STARD13: variants seen among roughly 807,000 people sequenced by gnomAD.
STARD13 encodes StAR related lipid transfer domain containing 13.
Under a neutral mutation model 106.4 loss-of-function variants are expected in STARD13, and 62 were observed. The ratio of observed to expected loss-of-function variants is 0.58; its 90% CI spans 0.48 to 0.72. The LOEUF (loss-of-function observed/expected upper bound fraction) is 0.72. STARD13 is among the 30% of genes least tolerant of loss of function. The probability of loss-of-function intolerance (pLI) is 0.00; values close to 1 mark genes in which losing one functional copy is unlikely to be tolerated. For missense variants in STARD13, 1,387 were observed against 1,424.0 expected (o/e 0.97, Z 0.42); for synonymous variants, 565 against 553.0 (o/e 1.02, Z -0.31).
chr13:33,140,732 G>A (rs1879697708), intron 4 of STARD13, among the ~76,000 whole-genome samples: 1 of 150,932 alleles, frequency 6.6e-6, no homozygotes. Flanking sequence ...TGATTTCTCT[G>A]TGTAGACCAG....
intron 1 of STARD13, among the ~76,000 whole-genome samples, chr13:33,303,810 G>T (rs1390116645): frequency 6.6e-6 from 1 of 152,128 alleles, no homozygotes; most frequent in Non-Finnish European, 1.5e-5. Flanking sequence ...CATCATCCCA[G>T]TTGATGTCTG....
chr13:33,340,889 C>T (rs181773168), intron 1 of STARD13, among the ~76,000 whole-genome samples: 3 of 152,244 alleles, frequency 2.0e-5, no homozygotes, highest in East Asian at 3.9e-4. Flanking sequence ...AATTTATGTG[C>T]CTCACCAAGA....
the STARD13 span, among the ~76,000 whole-genome samples, chr13:33,402,792 G>A: frequency 3.3e-5 from 5 of 152,226 alleles, no homozygotes; most frequent in African/African-American, 1.2e-4. Context: ...GGGGTGGCCG[G>A]AGGGCAGTTC....
intron 1 of STARD13, among the ~76,000 whole-genome samples, chr13:33,282,791 C>G (rs536502407): frequency 6.6e-6 from 1 of 152,236 alleles, no homozygotes. Flanking sequence ...CTTTGTGAGG[C>G]TGAGGTAGGA....
chr13:33,291,227 A>G (rs1892279954), intron 1 of STARD13, among the ~76,000 whole-genome samples: 1 of 152,208 alleles, frequency 6.6e-6, no homozygotes, highest in Non-Finnish European at 1.5e-5. Context: ...TGATTCTGCC[A>G]TTTTGAATCA....
chr13:33,346,652 T>C (rs1463549489), downstream of STARD13, among the ~76,000 whole-genome samples: 2 of 152,230 alleles, frequency 1.3e-5, no homozygotes, highest in East Asian at 1.9e-4. Flanking sequence ...TTTTTTGAGA[T>C]GGAGTCTTGC....
At chr13:33,464,383 C>T in the STARD13 span, among the ~76,000 whole-genome samples, 2 of 152,190 alleles carry the variant, frequency 1.3e-5, no homozygotes, top group South Asian at 4.2e-4. Context: ...TATTGTAACA[C>T]ATATGTTGCT....
the STARD13 span, among the ~76,000 whole-genome samples, chr13:33,421,680 G>T: frequency 6.6e-6 from 1 of 152,060 alleles, no homozygotes; most frequent in African/African-American, 2.4e-5. Flanking sequence ...GATGAACATC[G>T]ATGCGAAAAT....
intron 13 of STARD13, among the ~76,000 whole-genome samples, chr13:33,106,114 G>A (rs1215446935): frequency 6.6e-6 from 1 of 152,170 alleles, no homozygotes; most frequent in African/African-American, 2.4e-5. Flanking sequence ...GCAGCAAAAG[G>A]GGACAGGCAT....
At chr13:33,346,048 C>G (rs1019000324), downstream of STARD13, among the ~76,000 whole-genome samples, 1 of 152,226 alleles carries the variant, frequency 6.6e-6, no homozygotes, top group Admixed American at 6.5e-5. Flanking sequence ...CTTCTGAGAT[C>G]AGGTTACAAA....
At chr13:33,276,109 G>T (rs1891417700) in intron 1 of STARD13, 1 of 152,144 alleles carries the variant, frequency 6.6e-6, no homozygotes, top group African/African-American at 2.4e-5. Context: ...AAGCAGCTTT[G>T]TCTGCCTTAG....
the STARD13 span, among the ~76,000 whole-genome samples, chr13:33,669,530 C>CTTTTTT: frequency 5.8e-5 from 6 of 103,154 alleles, no homozygotes; most frequent in South Asian, 3.0e-4. Flanking sequence ...AGAGGATGTT[C>CTTTTTT]TTTTTTTTTT....
intron 3 of STARD13, chr13:33,155,471 A>T (rs961747447): frequency 7.9e-5 from 12 of 152,196 alleles, no homozygotes; most frequent in Non-Finnish European, 1.8e-4. Context: ...TAATAATGCA[A>T]TACAAACACC....
the STARD13 span, among the ~76,000 whole-genome samples, chr13:33,629,861 T>C: frequency 6.6e-6 from 1 of 152,294 alleles, no homozygotes; most frequent in Non-Finnish European, 1.5e-5. Flanking sequence ...TCTCCGGTTG[T>C]AAATGTTTAA....
At chr13:33,402,700 G>T in the STARD13 span, among the ~76,000 whole-genome samples, 55 of 152,372 alleles carry the variant, frequency 3.6e-4, no homozygotes, top group East Asian at 9.8e-3. Flanking sequence ...GAGATGAGGA[G>T]AAAAGCAGAT....
the STARD13 span, among the ~76,000 whole-genome samples, chr13:33,454,866 G>C: frequency 6.6e-6 from 1 of 152,198 alleles, no homozygotes; most frequent in Non-Finnish European, 1.5e-5. Flanking sequence ...GCATGTGTGA[G>C]AGTAGAAGAG....
the STARD13 span, among the ~76,000 whole-genome samples, chr13:33,372,929 G>T: frequency 6.6e-6 from 1 of 151,996 alleles, no homozygotes; most frequent in Non-Finnish European, 1.5e-5. Context: ...TGATGAATTT[G>T]ATTACATTAA....
intron 3 of STARD13, among the ~76,000 whole-genome samples, chr13:33,152,555 G>A (rs1348231965): frequency 1.3e-5 from 2 of 152,170 alleles, no homozygotes; most frequent in Non-Finnish European, 2.9e-5. Flanking sequence ...AAAGGAATGA[G>A]GAACAACTAA....
At chr13:33,417,106 T>A in the STARD13 span, among the ~76,000 whole-genome samples, 2 of 152,110 alleles carry the variant, frequency 1.3e-5, no homozygotes, top group African/African-American at 4.8e-5. Flanking sequence ...AAGTGACCAA[T>A]AGGCACACAA....
Sources: gnomAD v4.1 joint callset for allele counts (sites outside exome capture counted in the v4.1 genomes callset) on GRCh38, gnomAD v4.1.1 for gene constraint, MANE v1.5 for transcripts, NCBI Gene and HGNC (gene_info 2026-07-23, HGNC 2026-07-21) for gene names.